PDE4D: variants seen among roughly 807,000 people sequenced by gnomAD.
PDE4D encodes phosphodiesterase 4D.
In PDE4D, 24 loss-of-function variants were observed where a neutral mutation model predicts 87.4. That is an observed-to-expected ratio of 0.27 (90% CI 0.20 to 0.39). PDE4D has a LOEUF of 0.39. Ranked by LOEUF, PDE4D falls within the 10% of genes least tolerant of loss-of-function variation. The probability of loss-of-function intolerance (pLI) is 1.00; values close to 1 mark genes in which losing one functional copy is unlikely to be tolerated. For synonymous variants in PDE4D, 384 were observed against 383.2 expected (o/e 1.00, Z -0.02); for missense variants, 714 against 1,041.0 (o/e 0.69, Z 4.32).
At chr5:59,716,229 G>T (rs1755002619) in intron 1 of PDE4D, among the ~76,000 whole-genome samples, 1 of 152,238 alleles carries the variant, frequency 6.6e-6, no homozygotes, top group Non-Finnish European at 1.5e-5. Flanking sequence ...ACCCATGTAA[G>T]CTTGTGCTTG....
chr5:60,206,339 T>C (rs1049470353), intron 1 of PDE4D, among the ~76,000 whole-genome samples: 1 of 152,208 alleles, frequency 6.6e-6, no homozygotes, highest in African/African-American at 2.4e-5. Flanking sequence ...AAAATATACA[T>C]ACTCTAAGGC....
chr5:60,114,740 G>C (rs2149364416), intron 2 of PDE4D, among the ~76,000 whole-genome samples: 1 of 152,110 alleles, frequency 6.6e-6, no homozygotes, highest in Admixed American at 6.6e-5. Flanking sequence ...AAATCTTACT[G>C]AAATAACATA....
At chr5:59,317,832 G>A (rs1774034005) in intron 1 of PDE4D, among the ~76,000 whole-genome samples, 2 of 152,284 alleles carry the variant, frequency 1.3e-5, no homozygotes, top group South Asian at 4.1e-4. Context: ...AGAGCTGAGA[G>A]TGGACTGGCT....
chr5:59,186,066 T>G (rs1272050332), intron 3 of PDE4D, among the ~76,000 whole-genome samples: 6 of 152,056 alleles, frequency 3.9e-5, no homozygotes, highest in Admixed American at 3.9e-4. Flanking sequence ...CCTTCTTCCC[T>G]CCTCTCTTTC....
At chr5:60,252,777 C>T (rs1485845624) in intron 1 of PDE4D, among the ~76,000 whole-genome samples, 2 of 151,844 alleles carry the variant, frequency 1.3e-5, no homozygotes, top group East Asian at 3.9e-4. Context: ...CTTGTTTCCT[C>T]CTCCTCATGG....
chr5:59,994,777 A>T (rs945043706), intron 2 of PDE4D, among the ~76,000 whole-genome samples: 2 of 152,192 alleles, frequency 1.3e-5, no homozygotes, highest in Non-Finnish European at 2.9e-5. Flanking sequence ...GTAATCCACA[A>T]AAATTTAGCA....
At chr5:59,031,706 T>C (rs1757556715) in intron 6 of PDE4D, among the ~76,000 whole-genome samples, 1 of 25,992 alleles carries the variant, frequency 3.8e-5, no homozygotes, top group Admixed American at 6.5e-4. Flanking sequence ...AGACTCCACC[T>C]CAAAAAAAAA....
At chr5:60,209,187 C>CTTTTTTTTT (rs58524375) in intron 1 of PDE4D, among the ~76,000 whole-genome samples, 196 of 108,416 alleles carry the variant, frequency 1.8e-3, no homozygotes, top group African/African-American at 2.2e-3. Context: ...TTCTTTTTTT[C>CTTTTTTTTT]TTTTTTTTTT....
At chr5:60,368,701 G>A (rs750449853) in intron 1 of PDE4D, among the ~76,000 whole-genome samples, 7 of 152,086 alleles carry the variant, frequency 4.6e-5, no homozygotes, top group Non-Finnish European at 8.8e-5. Context: ...TCATGGGGGC[G>A]GGATGTCCCC....
intron 1 of PDE4D, among the ~76,000 whole-genome samples, chr5:59,282,323 G>A (rs1765961597): frequency 6.6e-6 from 1 of 152,028 alleles, no homozygotes; most frequent in Admixed American, 6.6e-5. Context: ...TTCTAACACT[G>A]AGATAAATTG....
At chr5:59,839,431 TTTTTCA>T (rs1742647443) in intron 1 of PDE4D, among the ~76,000 whole-genome samples, 1 of 151,986 alleles carries the variant, frequency 6.6e-6, no homozygotes, top group African/African-American at 2.4e-5. Flanking sequence ...TTGTTTTTTG[TTTTTCA>T]GGTTTTTTGC....
At chr5:59,863,012 G>T (rs770583914) in intron 1 of PDE4D, among the ~76,000 whole-genome samples, 8 of 152,186 alleles carry the variant, frequency 5.3e-5, no homozygotes, top group Non-Finnish European at 1.0e-4. Flanking sequence ...TTTCTAGGGA[G>T]GAAGAAGGTA....
rs565669274 is a variant in PDE4D, at chr5:60,106,545, C to A, written c.42+79012G>T. 1.2e-4 allele frequency among the ~76,000 whole-genome samples: 18 copies of A among 152,154 alleles called. No individual in the cohort carries two copies. The East Asian group carries it at 3.5e-3, about 30-fold the overall frequency. Reference sequence around the variant, plus strand: ...TACAGAACTCTCCACCCCAAATCAACAGAATATACATTTTTTTCAGCACCA... The same window carrying A: ...TACAGAACTCTCCACCCCAAATCAAAAGAATATACATTTTTTTCAGCACCA... On this transcript the variant is annotated intron_variant, in intron 2 of 16. Transcript: ENST00000502484.
chr5:59,117,366 A>G (rs527265401), intron 5 of PDE4D, among the ~76,000 whole-genome samples: 2 of 152,338 alleles, frequency 1.3e-5, no homozygotes, highest in East Asian at 3.9e-4. Context: ...TTAATGTAAC[A>G]AAATGTATTA....
In PDE4D at chr5:59,942,131, T is replaced by C. The variant is rs892731230; in HGVS notation, c.272+46357A>G. Among the ~76,000 whole-genome samples, 5 of 152,250 alleles carry C rather than the reference T, an allele frequency of 3.3e-5. No individual in the cohort carries two copies. The South Asian group carries it at 6.2e-4, about 19-fold the overall frequency. ...AAATACCACAGGCTTGCCTTTCTTATTGAATTTTCATAAATGTTCTTGAAT... is the reference window on the plus strand; with the variant it reads ...AAATACCACAGGCTTGCCTTTCTTACTGAATTTTCATAAATGTTCTTGAAT... On this transcript the variant is annotated intron_variant, in intron 3 of 16. Transcript: ENST00000502484.
At chr5:59,022,691 T>C (rs1475005381) in intron 6 of PDE4D, among the ~76,000 whole-genome samples, 1 of 152,100 alleles carries the variant, frequency 6.6e-6, no homozygotes, top group Non-Finnish European at 1.5e-5. Flanking sequence ...AGAGGGCACA[T>C]GCTCCTCCTA....
intron 1 of PDE4D, among the ~76,000 whole-genome samples, chr5:59,246,318 C>A (rs1017710991): frequency 6.6e-6 from 1 of 152,050 alleles, no homozygotes; most frequent in African/African-American, 2.4e-5. Context: ...TGTTTTGCTT[C>A]ACTGTAGGTC....
intron 1 of PDE4D, among the ~76,000 whole-genome samples, chr5:59,456,440 G>A (rs1267775783): frequency 6.6e-6 from 1 of 152,092 alleles, no homozygotes; most frequent in African/African-American, 2.4e-5. Flanking sequence ...GTCCTTCCTA[G>A]CCATGTGGAG....
chr5:60,397,936 G>C (rs1370934726), intron 1 of PDE4D, among the ~76,000 whole-genome samples: 1 of 152,116 alleles, frequency 6.6e-6, no homozygotes, highest in Admixed American at 6.5e-5. Flanking sequence ...TGAAATTCTT[G>C]CACTGTAGCA....
Sources: gnomAD v4.1 joint callset for allele counts (sites outside exome capture counted in the v4.1 genomes callset) on GRCh38, gnomAD v4.1.1 for gene constraint, MANE v1.5 for transcripts, NCBI Gene and HGNC (gene_info 2026-07-23, HGNC 2026-07-21) for gene names.